GALNT11: variants seen among roughly 807,000 people sequenced by gnomAD.
GALNT11 encodes UDP-GalNAc:polypeptide N-acetylgalactosaminyltransferase 11.
In GALNT11, 47 loss-of-function variants were observed where a neutral mutation model predicts 72.7. The observed-to-expected ratio is 0.65, with a 90% confidence interval of 0.51 to 0.82. The LOEUF is 0.82. GALNT11 is among the 40% of genes least tolerant of loss of function. The probability of loss-of-function intolerance (pLI) is 0.00; values close to 1 mark genes in which losing one functional copy is unlikely to be tolerated. For missense variants in GALNT11, 677 were observed against 778.4 expected (o/e 0.87, Z 1.55); for synonymous variants, 270 against 286.6 (o/e 0.94, Z 0.58).
At chr7:152,088,255 G>T (rs1484158352) in intron 1 of GALNT11, among the ~76,000 whole-genome samples, 2 of 152,108 alleles carry the variant, frequency 1.3e-5, no homozygotes, top group Admixed American at 6.6e-5. Flanking sequence ...TCATTGTTTA[G>T]TATCATGTTT....
At position 152,118,744 on chromosome 7, in the gene GALNT11, G is replaced by A. The variant is rs764568487; in HGVS notation, c.1519G>A (p.Val507Met). The A allele has an allele frequency of 4.3e-5, 69 of 1,611,580 alleles. 1 individual carries two copies. The highest frequency in any genetic ancestry group is 3.4e-4 in the South Asian group (31 of 90,762). ...QGRPSQKGGLVVLKACDYSDP... is the reference protein window; with the variant it reads ...QGRPSQKGGLMVLKACDYSDP... ...CCGCCCAAGTCAGAAGGGAGGTCTCGTGGTGCTTAAGGCCTGTGACTACAG... is the reference window on the plus strand; with the variant it reads ...CCGCCCAAGTCAGAAGGGAGGTCTCATGGTGCTTAAGGCCTGTGACTACAG... The change falls in exon 10 of 12, where the codon GTG becomes ATG. Residue 507 changes from valine to methionine, a missense_variant. Physicochemically the swap from Val to Met is conservative, Grantham distance 21. Transcript: ENST00000430044.
At chr7:152,118,626 G>A (rs2129075818) in intron 9 of GALNT11, 52 bp from the exon 10 acceptor site, 6 of 1,540,760 alleles carry the variant, frequency 3.9e-6, no homozygotes, top group Non-Finnish European at 5.3e-6. Context: ...CCAGGCTTGG[G>A]AGGCGTCTCT....
At chr7:152,091,472 C>A (rs1383597107) in intron 1 of GALNT11, among the ~76,000 whole-genome samples, 1 of 152,082 alleles carries the variant, frequency 6.6e-6, no homozygotes, top group East Asian at 1.9e-4. Context: ...AAACTCCTGA[C>A]TTTGTGATCC....
At chr7:152,036,103 A>G (rs1275888003) in intron 1 of GALNT11, among the ~76,000 whole-genome samples, 1 of 152,190 alleles carries the variant, frequency 6.6e-6, no homozygotes, top group Non-Finnish European at 1.5e-5. Context: ...TCACAACCCA[A>G]TGATACTCTT....
rs1484379962 is a variant in GALNT11 at position 152,094,333 on chromosome 7, C to T, written c.106C>T (p.Pro36Ser). 3.1e-6 allele frequency: 5 copies of T among 1,614,106 alleles called. No homozygotes were observed. The highest frequency in any genetic ancestry group is 4.2e-6 in the Non-Finnish European group (5 of 1,180,018). ...VYFNFSEVTQ[P>S]LKNVPVKGSG... ...TTTCAACTTCAGTGAAGTGACTCAG[C>T]CACTTAAGAATGTGCCCGTCAAGGG... Residue 36 changes from proline to serine, a missense_variant, in exon 2 of 12, where the codon CCA (proline) becomes TCA (serine). Pro to Ser is a moderately conservative substitution (Grantham distance 74). Transcript: ENST00000430044. The surrounding 1 kb of genome is among the most constrained non-coding windows in gnomAD (Gnocchi z 4.3).
intron 1 of GALNT11, among the ~76,000 whole-genome samples, chr7:152,084,842 G>T (rs1191334880): frequency 1.3e-5 from 2 of 152,182 alleles, no homozygotes; most frequent in Non-Finnish European, 1.5e-5. Context: ...CAGGGGGCTT[G>T]TTTATGGTAA....
At chr7:152,099,273 A>G (rs2086599442) in intron 2 of GALNT11, among the ~76,000 whole-genome samples, 2 of 151,970 alleles carry the variant, frequency 1.3e-5, no homozygotes, top group African/African-American at 4.8e-5. Context: ...TCAACCCTTT[A>G]CACCTGGATA....
At chr7:152,042,954 A>G (rs1051347001) in intron 1 of GALNT11, among the ~76,000 whole-genome samples, 1 of 152,230 alleles carries the variant, frequency 6.6e-6, no homozygotes, top group African/African-American at 2.4e-5. Context: ...CCGCTCCTGT[A>G]TCTACCAAAC....
chr7:152,110,778 T>G, intron 7 of GALNT11, 133 bp downstream of exon 7: 2 of 676,228 alleles, frequency 3.0e-6, no homozygotes, highest in Non-Finnish European at 4.9e-6. Flanking sequence ...CTGCCCAGGT[T>G]GGAGTGCAGT....
intron 1 of GALNT11, among the ~76,000 whole-genome samples, chr7:152,069,853 G>A (rs1415353080): frequency 2.0e-5 from 3 of 151,952 alleles, no homozygotes; most frequent in East Asian, 1.9e-4. Flanking sequence ...AAAAAATTTT[G>A]TCCACTGTGA....
At chr7:152,097,570 C>T (rs1169493884) in intron 2 of GALNT11, among the ~76,000 whole-genome samples, 4 of 152,204 alleles carry the variant, frequency 2.6e-5, no homozygotes, top group Admixed American at 6.5e-5. Flanking sequence ...GCACTATTCT[C>T]AATAGACAGA....
rs149619169 is a variant in GALNT11 at position 152,041,967 on chromosome 7, A to C, written c.-39+16083A>C. On this transcript the variant is annotated intron_variant, in intron 1 of 11. Transcript: ENST00000430044. The stretch of plus-strand genomic sequence containing the variant: ...GAGAAATTGAATTTTGCAAGTGATC[A>C]TAATATTGGAGTAATATTTCTTGAG... Among the ~76,000 whole-genome samples, 108 of 152,378 alleles carry C rather than the reference A, an allele frequency of 7.1e-4. 1 individual carries two copies. Among genetic ancestry groups the C allele is most frequent in the African/African-American group, 2.5e-3 (105 of 41,590 alleles).
At chr7:152,035,200 C>T (rs950380542) in intron 1 of GALNT11, among the ~76,000 whole-genome samples, 4 of 152,126 alleles carry the variant, frequency 2.6e-5, no homozygotes, top group African/African-American at 9.7e-5. Context: ...TAAGACAGTC[C>T]CCCACCCTGA....
At chr7:152,037,488 T>C (rs183323560) in intron 1 of GALNT11, among the ~76,000 whole-genome samples, 26 of 152,324 alleles carry the variant, frequency 1.7e-4, no homozygotes, top group African/African-American at 5.8e-4. Context: ...TTTGAAGTTG[T>C]AATTTGGGGT....
At chr7:152,072,419 C>T (rs2084709131) in intron 1 of GALNT11, among the ~76,000 whole-genome samples, 1 of 151,900 alleles carries the variant, frequency 6.6e-6, no homozygotes, top group African/African-American at 2.4e-5. Flanking sequence ...TATCTTTTCT[C>T]AGAACTAACT....
rs184088088 is a variant in GALNT11 at position 152,030,762 on chromosome 7, C to G, written c.-39+4878C>G. On this transcript the variant is annotated intron_variant, in intron 1 of 11. Transcript: ENST00000430044. The stretch of plus-strand genomic sequence containing the variant: ...TCTGTCTCTTTGACTTTGTCTCTTT[C>G]TTTCTCTCTGACTCCTTTGTCTCTC... Among the ~76,000 whole-genome samples, 3 of 152,176 alleles carry G rather than the reference C, an allele frequency of 2.0e-5. No homozygotes were observed. The East Asian group carries it at 5.8e-4, about 29-fold the overall frequency.
chr7:152,045,630 G>T (rs998464894), intron 1 of GALNT11, among the ~76,000 whole-genome samples: 3 of 151,958 alleles, frequency 2.0e-5, no homozygotes, highest in African/African-American at 7.2e-5. Context: ...TGATTGTAAT[G>T]TCTCCTTTTT....
At chr7:152,054,229 T>C (rs1233560469) in intron 1 of GALNT11, among the ~76,000 whole-genome samples, 1 of 152,104 alleles carries the variant, frequency 6.6e-6, no homozygotes, top group Non-Finnish European at 1.5e-5. Flanking sequence ...TTCTTTAGTT[T>C]TCAATATATT....
chr7:152,077,704 G>A (rs369862210), intron 1 of GALNT11, among the ~76,000 whole-genome samples: 1 of 151,968 alleles, frequency 6.6e-6, no homozygotes, highest in Non-Finnish European at 1.5e-5. Flanking sequence ...AACATCTCAC[G>A]CCTCAAATTA....
Sources: allele counts gnomAD v4.1 joint callset (sites outside exome capture counted in the v4.1 genomes callset), GRCh38; gene constraint gnomAD v4.1.1; non-coding constraint Gnocchi (gnomAD v3.1); transcripts MANE v1.5; gene names NCBI Gene and HGNC (gene_info 2026-07-23, HGNC 2026-07-21).